SCFD2: variants seen among roughly 807,000 people sequenced by gnomAD.
SCFD2 encodes sec1 family domain-containing protein 2.
In SCFD2, 54 loss-of-function variants were observed where a neutral mutation model predicts 58.9. That is an observed-to-expected ratio of 0.92 (90% CI 0.74 to 1.15). The LOEUF is 1.15. Ranked by LOEUF, SCFD2 falls within the 50% of genes most tolerant of loss-of-function variation. SCFD2 has a pLI of 0.00. For synonymous variants in SCFD2, 321 were observed against 335.9 expected, an observed-to-expected ratio of 0.96 and a Z score of 0.49; for missense variants, 805 against 836.6, an observed-to-expected ratio of 0.96 and a Z score of 0.47.
intron 2 of SCFD2, among the ~76,000 whole-genome samples, chr4:53,338,682 G>A (rs1433896999): frequency 1.6e-4 from 22 of 140,722 alleles, no homozygotes; most frequent in Non-Finnish European, 3.0e-4. Context: ...CCGGGTTCAC[G>A]CCATTCTCCT....
intron 5 of SCFD2, among the ~76,000 whole-genome samples, chr4:53,081,886 C>A (rs1724158217): frequency 6.6e-6 from 1 of 152,076 alleles, no homozygotes; most frequent in Admixed American, 6.6e-5. Flanking sequence ...CAGCCCTAGG[C>A]AATATTAATC....
At chr4:52,956,429 A>G in intron 5 of SCFD2, 1 of 361,850 alleles carries the variant, frequency 2.8e-6, no homozygotes, top group South Asian at 2.1e-5. Flanking sequence ...TCAAGTAACC[A>G]GGCTGAGGGA....
chr4:53,179,702 T>C (rs907122171), intron 4 of SCFD2, among the ~76,000 whole-genome samples: 1 of 152,134 alleles, frequency 6.6e-6, no homozygotes, highest in African/African-American at 2.4e-5. Context: ...AGACACAGAC[T>C]GGCAAATTGG....
chr4:53,312,118 T>C (rs1732711331), intron 3 of SCFD2, among the ~76,000 whole-genome samples: 1 of 152,098 alleles, frequency 6.6e-6, no homozygotes, highest in Non-Finnish European at 1.5e-5. Flanking sequence ...AATAGTCAAG[T>C]GCCAGGATAT....
intron 5 of SCFD2, among the ~76,000 whole-genome samples, chr4:52,976,176 A>C (rs1161758434): frequency 1.3e-5 from 2 of 151,994 alleles, no homozygotes; most frequent in African/African-American, 4.8e-5. Context: ...AGTATATATA[A>C]AAAAAATTGG....
At chr4:53,091,180 G>T (rs964250474) in intron 5 of SCFD2, among the ~76,000 whole-genome samples, 1 of 152,120 alleles carries the variant, frequency 6.6e-6, no homozygotes, top group Non-Finnish European at 1.5e-5. Flanking sequence ...TCTATGGGCT[G>T]AAGAAAGGAA....
intron 4 of SCFD2, among the ~76,000 whole-genome samples, chr4:53,186,997 A>C (rs190464106): frequency 3.3e-5 from 5 of 152,172 alleles, no homozygotes; most frequent in Non-Finnish European, 5.9e-5. Flanking sequence ...GATAGAGTTG[A>C]CTGTAAAAAG....
At chr4:53,022,819 A>G (rs1722381591) in intron 5 of SCFD2, among the ~76,000 whole-genome samples, 1 of 152,218 alleles carries the variant, frequency 6.6e-6, no homozygotes, top group African/African-American at 2.4e-5. Flanking sequence ...AATAATAATT[A>G]TAACTGTAGG....
At position 53,186,111 on chromosome 4, in the gene SCFD2, C is replaced by T. The variant is rs182596851; in HGVS notation, c.1312-40529G>A. On this transcript the variant is annotated intron_variant, in intron 4 of 8. Coordinates refer to ENST00000401642, the MANE Select transcript of SCFD2 (RefSeq NM_152540.4). ...ATGCCAGGTAGTGTCTCACACGCTT[C>T]ACATGTATGAACTCACTTGATCTTT... is the stretch of plus-strand genomic sequence containing the variant. Among the ~76,000 whole-genome samples, 93 of 152,260 alleles carry T rather than the reference C, an allele frequency of 6.1e-4. 1 individual carries two copies. Among genetic ancestry groups the T allele is most frequent in the Admixed American group, 5.9e-3 (90 of 15,280 alleles).
chr4:53,200,621 C>G (rs1049936732), intron 4 of SCFD2, among the ~76,000 whole-genome samples: 2 of 152,022 alleles, frequency 1.3e-5, no homozygotes, highest in Admixed American at 6.6e-5. Flanking sequence ...ATAGGACAAG[C>G]GCTTGTCTCG....
intron 5 of SCFD2, among the ~76,000 whole-genome samples, chr4:53,058,442 A>G (rs1030507196): frequency 2.1e-4 from 32 of 152,260 alleles, no homozygotes; most frequent in African/African-American, 5.3e-4. Context: ...GAAAGTAGCC[A>G]TTTTAAGTAT....
chr4:53,137,679 T>C (rs1372152041), intron 5 of SCFD2, among the ~76,000 whole-genome samples: 3 of 152,226 alleles, frequency 2.0e-5, no homozygotes, highest in Non-Finnish European at 4.4e-5. Context: ...CTAGCCCTTG[T>C]TGACCTGGAC....
At chr4:52,996,403 T>C (rs1174453355) in intron 5 of SCFD2, among the ~76,000 whole-genome samples, 2 of 152,228 alleles carry the variant, frequency 1.3e-5, no homozygotes, top group African/African-American at 2.4e-5. Context: ...GCAGGGCACA[T>C]TGGAAACACA....
At chr4:53,220,929 A>G (rs6818181) in intron 4 of SCFD2, among the ~76,000 whole-genome samples, 105,548 of 152,184 alleles carry the variant, frequency 0.69, 36,845 homozygotes, top group Middle Eastern at 0.78. Context: ...AATTTGCTAC[A>G]CTGGAAGTGG....
chr4:53,211,255 AAT>A (rs1491159600), intron 4 of SCFD2, among the ~76,000 whole-genome samples: 1 of 150,600 alleles, frequency 6.6e-6, no homozygotes, highest in African/African-American at 2.4e-5. Flanking sequence ...AAAAAAAAAA[AAT>A]CCAAGAGAAC....
At chr4:53,091,537 A>G (rs1724469189) in intron 5 of SCFD2, among the ~76,000 whole-genome samples, 2 of 152,158 alleles carry the variant, frequency 1.3e-5, no homozygotes. Context: ...TAAAATATTA[A>G]CATGACCCTC....
chr4:53,155,547 T>C (rs1376084068), intron 4 of SCFD2, among the ~76,000 whole-genome samples: 1 of 152,206 alleles, frequency 6.6e-6, no homozygotes, highest in Non-Finnish European at 1.5e-5. Flanking sequence ...GACATAGGGC[T>C]CAATACGTAC....
intron 4 of SCFD2, among the ~76,000 whole-genome samples, chr4:53,248,156 G>A (rs1327487398): frequency 1.3e-5 from 2 of 152,196 alleles, no homozygotes; most frequent in East Asian, 3.9e-4. Flanking sequence ...CAAGGAAAGG[G>A]GTGACAGACG....
At chr4:53,305,889 T>G (rs1000444582) in intron 3 of SCFD2, among the ~76,000 whole-genome samples, 1 of 152,216 alleles carries the variant, frequency 6.6e-6, no homozygotes, top group Non-Finnish European at 1.5e-5. Context: ...AGGAGAGTGA[T>G]AGAAAAGCAA....
Sources: gnomAD v4.1 joint callset for allele counts (sites outside exome capture counted in the v4.1 genomes callset) on GRCh38, gnomAD v4.1.1 for gene constraint, MANE v1.5 for transcripts, NCBI Gene and HGNC (gene_info 2026-07-23, HGNC 2026-07-21) for gene names.